The following ALDH3B1 variants were observed in gnomAD, a reference collection of about 807,000 sequenced individuals.
ALDH3B1 encodes aldehyde dehydrogenase 3 family member B1, also known as aldehyde dehydrogenase family 3 member B1.
A neutral mutation model predicts 46.2 loss-of-function variants in ALDH3B1; 37 were observed. The ratio of observed to expected loss-of-function variants is 0.80; its 90% CI spans 0.62 to 1.05. The LOEUF (loss-of-function observed/expected upper bound fraction) is 1.05, where lower values mean the gene tolerates loss of function less well. Ranked by LOEUF, ALDH3B1 falls within the 50% of genes least tolerant of loss-of-function variation. The probability of loss-of-function intolerance (pLI) is 0.00; values close to 1 mark genes in which losing one functional copy is unlikely to be tolerated. For synonymous variants in ALDH3B1, 283 were observed against 281.0 expected, an observed-to-expected ratio of 1.01 and a Z score of -0.07; for missense variants, 603 against 665.5, an observed-to-expected ratio of 0.91 and a Z score of 1.03.
chr11:68,011,712 C>T (rs1470484828), intron 1 of ALDH3B1, among the ~76,000 whole-genome samples: 2 of 152,202 alleles, frequency 1.3e-5, no homozygotes, highest in East Asian at 3.9e-4. Flanking sequence ...TCTGTCACCA[C>T]ATCCCTGTCC....
intron 8 of ALDH3B1, chr11:68,024,949 T>C (rs1225437166): frequency 6.6e-6 from 1 of 152,242 alleles, no homozygotes; most frequent in Non-Finnish European, 1.5e-5. Flanking sequence ...CCTTCCCCTC[T>C]GGTGCTACAA....
Position 68,018,342 on chromosome 11 carries a change from C to T in ALDH3B1, c.163-185C>T, listed in dbSNP as rs542277207. 98 of 603,958 alleles carry T rather than the reference C, an allele frequency of 1.6e-4. No homozygotes were observed. In the East Asian group the frequency reaches 1.7e-3, roughly 11 times the overall value. 37.4% of individuals were successfully genotyped at this position (603,958 alleles called of 1,614,324 possible). A position where few individuals can be genotyped will look rare whatever the true frequency, so the allele number is the denominator to read the frequency against. ...CTGCAAGGTCGGCCTCAGGGCCGGTCCCTCTGTTTGGCACAGAGACAGCAC... is the reference window on the plus strand; with the variant it reads ...CTGCAAGGTCGGCCTCAGGGCCGGTTCCTCTGTTTGGCACAGAGACAGCAC... On this transcript the variant is annotated intron_variant, in intron 2 of 9. Coordinates refer to ENST00000342456, the MANE Select transcript of ALDH3B1 (RefSeq NM_000694.4).
At chr11:68,011,047 C>T (rs1364144331) in intron 1 of ALDH3B1, among the ~76,000 whole-genome samples, 1 of 152,226 alleles carries the variant, frequency 6.6e-6, no homozygotes, top group Non-Finnish European at 1.5e-5. Context: ...TCCCTGGCTC[C>T]CCAAGGGAGG....
chr11:68,012,414 C>T (rs1348594493), intron 1 of ALDH3B1, among the ~76,000 whole-genome samples: 1 of 152,234 alleles, frequency 6.6e-6, no homozygotes, highest in Non-Finnish European at 1.5e-5. Context: ...GAGGAAACAG[C>T]CGCTATCTTC....
intron 1 of ALDH3B1, 83 bp from the exon 2 acceptor site, chr11:68,015,214 T>C: frequency 1.4e-6 from 2 of 1,387,962 alleles, no homozygotes; most frequent in South Asian, 3.0e-5. Flanking sequence ...AGGTCAGGGG[T>C]GCCCAGACCC....
chr11:68,024,390 C>G (rs1337519941), intron 8 of ALDH3B1: 1 of 152,228 alleles, frequency 6.6e-6, no homozygotes, highest in Non-Finnish European at 1.5e-5. Context: ...CCTACCCCAC[C>G]CTCACCAGGT....
chr11:68,012,105 C>G (rs552840880), intron 1 of ALDH3B1, among the ~76,000 whole-genome samples: 1 of 152,276 alleles, frequency 6.6e-6, no homozygotes, highest in South Asian at 2.1e-4. Flanking sequence ...AATGAGAGAA[C>G]GGGCAGAGCC....
intron 2 of ALDH3B1, chr11:68,018,174 A>T (rs568443596): frequency 4.6e-5 from 12 of 261,298 alleles, no homozygotes; most frequent in Non-Finnish European, 7.4e-5. Flanking sequence ...GCTCATGTGG[A>T]TGTATACATG....
chr11:68,013,443 G>A (rs747268271), intron 1 of ALDH3B1, among the ~76,000 whole-genome samples: 2 of 152,220 alleles, frequency 1.3e-5, no homozygotes, highest in East Asian at 1.9e-4. Flanking sequence ...AGGCACAGGC[G>A]TGGTTTGCCT....
chr11:68,010,602 C>CTG (rs1857209574), intron 1 of ALDH3B1, among the ~76,000 whole-genome samples: 1 of 152,160 alleles, frequency 6.6e-6, no homozygotes, highest in South Asian at 2.1e-4. Context: ...GCAGCGAGGT[C>CTG]CCGGGCACCC....
intron 6 of ALDH3B1, among the ~76,000 whole-genome samples, chr11:68,020,641 C>T (rs1196526687): frequency 6.6e-6 from 1 of 152,206 alleles, no homozygotes; most frequent in Non-Finnish European, 1.5e-5. Flanking sequence ...AAGGGCCTGG[C>T]AGGATTGACC....
chr11:68,019,348 A>C, intron 5 of ALDH3B1, 93 bp downstream of exon 5: 4 of 1,075,432 alleles, frequency 3.7e-6, no homozygotes, highest in Non-Finnish European at 5.5e-6. Context: ...GTCAGACCCG[A>C]GTCCCCACCT....
chr11:68,027,562 C>T (rs908545113), intron 9 of ALDH3B1, among the ~76,000 whole-genome samples, 187 bp from the exon 10 acceptor site: 2 of 152,158 alleles, frequency 1.3e-5, no homozygotes, highest in African/African-American at 4.8e-5. Context: ...CATCTGGCAT[C>T]CCCAGGGCTT....
Position 68,013,214 on chromosome 11 carries a change from G to C in ALDH3B1, c.-1-2083G>C, listed in dbSNP as rs374740800. On this transcript the variant is annotated intron_variant, in intron 1 of 9. Coordinates refer to ENST00000342456, the MANE Select transcript of ALDH3B1 (RefSeq NM_000694.4). ...GGCACTCCCTGGGGGCCTCAGTCCA[G>C]AGTGAGTGACCCGTAGGGGCAATGC... Among the ~76,000 whole-genome samples the C allele has an allele frequency of 4.0e-3, 602 of 152,300 alleles. 2 individuals are homozygous for C. The highest frequency in any genetic ancestry group is 0.013 in the African/African-American group (531 of 41,564).
chr11:68,014,669 C>A (rs1590771948), intron 1 of ALDH3B1, among the ~76,000 whole-genome samples: 1 of 152,164 alleles, frequency 6.6e-6, no homozygotes, highest in East Asian at 1.9e-4. Flanking sequence ...TGTTCTCCCC[C>A]TCTTCCTGAG....
At chr11:68,020,296 A>G (rs537890542) in intron 6 of ALDH3B1, among the ~76,000 whole-genome samples, 238 of 152,238 alleles carry the variant, frequency 1.6e-3, no homozygotes, top group African/African-American at 5.4e-3. Context: ...TCTTGGCACA[A>G]TCTTGGCTCA....
chr11:68,015,513 G>A, intron 2 of ALDH3B1, 54 bp downstream of exon 2: 1 of 1,554,070 alleles, frequency 6.4e-7, no homozygotes, highest in Non-Finnish European at 8.7e-7. Context: ...GGGCATGGAG[G>A]GCAGCTGGGA....
At position 68,018,580 on chromosome 11, in the gene ALDH3B1, C is replaced by A. The variant is rs746611472; in HGVS notation, c.216C>A (p.Thr72=). 2.5e-6 allele frequency: 4 copies of A among 1,584,884 alleles called. No individual in the cohort carries two copies. The Admixed American group carries it at 7.2e-5, about 28-fold the overall frequency. Residue 72 remains threonine, a synonymous_variant, in exon 3 of 10, where the codon ACC becomes ACA. Coordinates refer to ENST00000342456, the MANE Select transcript of ALDH3B1 (RefSeq NM_000694.4). ...SEVAISQGEV[T]LALRNLRAWM... ...TTGCCATCAGCCAGGGCGAGGTCACCCTGGCCCTCAGGAACCTCCGGGCCT... is the reference window on the plus strand; with the variant it reads ...TTGCCATCAGCCAGGGCGAGGTCACACTGGCCCTCAGGAACCTCCGGGCCT...
In ALDH3B1 at chr11:68,021,679, A is replaced by G. The variant is rs763562420; in HGVS notation, c.757A>G (p.Ser253Gly). 1.9e-6 allele frequency: 3 copies of G among 1,613,968 alleles called. No individual in the cohort carries two copies. Among genetic ancestry groups the G allele is most frequent in the Non-Finnish European group, 2.5e-6 (3 of 1,179,966 alleles). Residue 253 changes from serine (S) to glycine (G), a missense_variant, in exon 7 of 10, where the codon AGC (serine) becomes GGC (glycine). Transcript: ENST00000342456. ...CGTGGCCCCCGACTACGTCCTATGC[A>G]GCCCTGAGATGCAGGAGAGGCTGCT... ...TCVAPDYVLC[S>G]PEMQERLLPA...
Sources: gnomAD v4.1 joint callset for allele counts (sites outside exome capture counted in the v4.1 genomes callset) on GRCh38, gnomAD v4.1.1 for gene constraint, MANE v1.5 for transcripts, NCBI Gene and HGNC (gene_info 2026-07-23, HGNC 2026-07-21) for gene names.